Variants in DPH7 observed in about 807,000 individuals in gnomAD.
The protein encoded by DPH7 is diphthamide biosynthesis 7.
Under a neutral mutation model 41.7 loss-of-function variants are expected in DPH7, and 44 were observed. That is an observed-to-expected ratio of 1.05 (90% CI 0.83 to 1.36). DPH7 has a LOEUF of 1.36. DPH7 is among the 40% of genes most tolerant of loss of function. The probability of loss-of-function intolerance (pLI) is 0.00; values close to 1 mark genes in which losing one functional copy is unlikely to be tolerated. For missense variants in DPH7, 629 were observed against 577.5 expected (o/e 1.09, Z -0.91); for synonymous variants, 275 against 238.0 (o/e 1.16, Z -1.43).
At chr9:137,559,698 G>A (rs1018073567) in intron 8 of DPH7, among the ~76,000 whole-genome samples, 8 of 152,246 alleles carry the variant, frequency 5.3e-5, no homozygotes, top group African/African-American at 1.2e-4. Flanking sequence ...TCTCTGCCTC[G>A]GCTGCCAAGC....
intron 8 of DPH7, among the ~76,000 whole-genome samples, chr9:137,557,872 C>T (rs1343937952): frequency 8.5e-5 from 13 of 152,098 alleles, no homozygotes; most frequent in African/African-American, 3.1e-4. Flanking sequence ...CAGCGGCTCA[C>T]GCCTGTAATC....
rs1273720314 is a variant in DPH7 at position 137,555,287 on chromosome 9, G to A, written c.1311C>T (p.Cys437=). 6 of 1,613,698 alleles carry A rather than the reference G, an allele frequency of 3.7e-6. No individual in the cohort carries two copies. Among genetic ancestry groups the A allele is most frequent in the Non-Finnish European group, 5.1e-6 (6 of 1,179,848 alleles). The change falls in exon 9 of 9, where the codon TGC becomes TGT. Residue 437 remains cysteine (C), a synonymous_variant. Coordinates refer to ENST00000277540, the MANE Select transcript of DPH7 (RefSeq NM_138778.5). ...GGTGGAGCGCATGGTCATAGAAGGA[G>A]CAGGTGGCCAGGAGGCTGAAGGCTG... ...ADSAFSLLAT[C]SFYDHALHLW...
intron 2 of DPH7, among the ~76,000 whole-genome samples, chr9:137,576,720 T>G (rs996387684): frequency 1.3e-5 from 2 of 151,982 alleles, no homozygotes; most frequent in African/African-American, 4.8e-5. Context: ...AAACCACGTC[T>G]CTACTAAAAA....
At chr9:137,575,484 C>T (rs1841219333) in intron 3 of DPH7, 1 of 990,532 alleles carries the variant, frequency 1.0e-6, no homozygotes, top group African/African-American at 1.7e-5. Context: ...AGGGCAACTG[C>T]TCTAAGCTGC....
chr9:137,577,003 A>G (rs1841525472), intron 2 of DPH7, among the ~76,000 whole-genome samples: 1 of 151,842 alleles, frequency 6.6e-6, no homozygotes, highest in Non-Finnish European at 1.5e-5. Flanking sequence ...GCAGTGAGCT[A>G]TGATCACGTG....
chr9:137,570,934 T>C (rs375913345), intron 5 of DPH7, among the ~76,000 whole-genome samples: 4 of 152,160 alleles, frequency 2.6e-5, no homozygotes, highest in East Asian at 3.8e-4. Context: ...TATTACATAT[T>C]ATGCCTTGTG....
At chr9:137,559,156 T>C in intron 8 of DPH7, among the ~76,000 whole-genome samples, 1 of 152,196 alleles carries the variant, frequency 6.6e-6, no homozygotes, top group Non-Finnish European at 1.5e-5. Context: ...AATATTATAA[T>C]AATCCTCGCT....
At chr9:137,571,777 A>T (rs149479557) in intron 5 of DPH7, among the ~76,000 whole-genome samples, 6 of 152,240 alleles carry the variant, frequency 3.9e-5, no homozygotes, top group African/African-American at 1.4e-4. Flanking sequence ...AATAAGAGCG[A>T]AACTCCATCT....
intron 3 of DPH7, chr9:137,575,124 C>A: frequency 8.5e-7 from 1 of 1,176,394 alleles, no homozygotes. Flanking sequence ...ACCCCCTTGC[C>A]ATCCTTGCGC....
intron 8 of DPH7, among the ~76,000 whole-genome samples, chr9:137,563,464 G>A (rs532435106): frequency 6.8e-6 from 1 of 148,018 alleles, no homozygotes; most frequent in Admixed American, 6.8e-5. Flanking sequence ...CCCAGGAGGC[G>A]AAGGCTGTGG....
chr9:137,555,019 C>G lies in DPH7; in HGVS notation c.*220G>C, dbSNP rs1837219675. 2 of 460,966 alleles carry G rather than the reference C, an allele frequency of 4.3e-6. No homozygotes were observed. Among genetic ancestry groups the G allele is most frequent in the Non-Finnish European group, 7.2e-6 (2 of 279,472 alleles). 28.6% of individuals were successfully genotyped at this position (460,966 alleles called of 1,614,324 possible). ...TGCAAGCTGGAAACCGCGTCTTTTC[C>G]CCACTCTCTGCCAGACAGAATCACC... On this transcript the variant is annotated 3_prime_UTR_variant, in exon 9 of 9. Transcript: ENST00000277540.
chr9:137,562,786 G>A (rs1838850960), intron 8 of DPH7, among the ~76,000 whole-genome samples: 1 of 152,078 alleles, frequency 6.6e-6, no homozygotes, highest in Non-Finnish European at 1.5e-5. Flanking sequence ...GGCCAACGTG[G>A]TGAAACCCCG....
At position 137,556,691 on chromosome 9, in the gene DPH7, AG is replaced by A. The variant is rs1837565781; in HGVS notation, c.950-1044del. 1 of 375,824 alleles carries A rather than the reference AG, an allele frequency of 2.7e-6. No homozygotes were observed. The highest frequency in any genetic ancestry group is 2.1e-5 in the African/African-American group (1 of 46,942). 23.3% of individuals were successfully genotyped at this position (375,824 alleles called of 1,614,324 possible). A position where few individuals can be genotyped will look rare whatever the true frequency, so the allele number is the denominator to read the frequency against. ...ATGTGTGGGGCGACCCTCGGGAGGA[AG>A]CCCCTGGGGAGGCCGTTACTGTCCC... On this transcript the variant is annotated intron_variant, in intron 8 of 8. Coordinates refer to ENST00000277540, the MANE Select transcript of DPH7 (RefSeq NM_138778.5). The surrounding 1 kb of genome is among the most constrained non-coding windows in gnomAD (Gnocchi z 5.2).
At chr9:137,561,486 T>C (rs1422558972) in intron 8 of DPH7, among the ~76,000 whole-genome samples, 1 of 136,906 alleles carries the variant, frequency 7.3e-6, no homozygotes, top group Non-Finnish European at 1.5e-5. Flanking sequence ...GAGGTTGCAG[T>C]GAGCCAAGAT....
Position 137,555,422 on chromosome 9 carries a change from G to GCCA in DPH7, c.1175_1176insTGG (p.Pro392_Gln393insGly). The GCCA allele has an allele frequency of 6.2e-7, 1 of 1,614,092 alleles. No homozygotes were observed. Among genetic ancestry groups the GCCA allele is most frequent in the Non-Finnish European group, 8.5e-7 (1 of 1,179,994 alleles). ...CTGTGAGTGGCTTCATTCCACTCTG[G>GCCA]GGTCTGGCATGGCCCTCCCCATCGT... On this transcript the variant is annotated inframe_insertion, in exon 9 of 9. Transcript: ENST00000277540.
At chr9:137,578,455 T>C (rs1020938420) in intron 1 of DPH7, 170 bp downstream of exon 1, 12 of 828,832 alleles carry the variant, frequency 1.4e-5, no homozygotes, top group Non-Finnish European at 2.1e-5. Flanking sequence ...CGTGAGCCAC[T>C]GCGCCCGGCC....
In DPH7 at chr9:137,564,520, A is replaced by C. The variant is rs1379018439; in HGVS notation, c.863T>G (p.Ile288Ser). ...DTPVQGGVWRIKWHPFHHHLL... is the reference protein window; with the variant it reads ...DTPVQGGVWRSKWHPFHHHLL... ...GTGGTGGTGGAAAGGGTGCCACTTGATTCTCCATACCCCACCCTGCACAGG... is the reference window on the plus strand; with the variant it reads ...GTGGTGGTGGAAAGGGTGCCACTTGCTTCTCCATACCCCACCCTGCACAGG... Residue 288 changes from isoleucine (I) to serine (S), a missense_variant, in exon 8 of 9, where the codon ATC (isoleucine) becomes AGC (serine). Transcript: ENST00000277540. The C allele has an allele frequency of 3.1e-6, 5 of 1,614,074 alleles. No homozygotes were observed. Among genetic ancestry groups the C allele is most frequent in the Non-Finnish European group, 4.2e-6 (5 of 1,179,976 alleles).
intron 5 of DPH7, among the ~76,000 whole-genome samples, chr9:137,568,546 T>G (rs766584786): frequency 0.036 from 5,071 of 141,088 alleles, 157 homozygotes; most frequent in African/African-American, 0.13. Flanking sequence ...GAAGCTCCCC[T>G]GGGTGACTCT....
chr9:137,556,998 A>T lies in DPH7; in HGVS notation c.950-1350T>A, dbSNP rs1837623750. On this transcript the variant is annotated intron_variant, in intron 8 of 8. Transcript: ENST00000277540. The surrounding 1 kb of genome is among the most constrained non-coding windows in gnomAD (Gnocchi z 5.2). ...TCAAGACAGGACCTCACTCTGTCGC[A>T]TAGGCTGGAGTGCACTGACCTGGGC... 1 of 435,856 alleles carries T rather than the reference A, an allele frequency of 2.3e-6. No homozygotes were observed. Among genetic ancestry groups the T allele is most frequent in the Non-Finnish European group, 4.6e-6 (1 of 216,842 alleles). The allele number at this position is 435,856 out of a possible 1,614,324, so 27.0% of individuals were successfully genotyped here.
Sources: gnomAD v4.1 joint callset for allele counts (sites outside exome capture counted in the v4.1 genomes callset) on GRCh38, gnomAD v4.1.1 for gene constraint, Gnocchi (gnomAD v3.1) non-coding constraint, MANE v1.5 for transcripts, NCBI Gene and HGNC (gene_info 2026-07-23, HGNC 2026-07-21) for gene names.